The following CABCOCO1 variants were observed in gnomAD, a reference collection of about 807,000 sequenced individuals.
The protein encoded by CABCOCO1 is ciliary associated calcium binding coiled-coil 1, also known as ciliary-associated calcium-binding coiled-coil protein 1.
A neutral mutation model predicts 35.7 loss-of-function variants in CABCOCO1; 28 were observed. The observed-to-expected ratio is 0.78, with a 90% CI of 0.58 to 1.07. The LOEUF (loss-of-function observed/expected upper bound fraction) is 1.07, where lower values mean the gene tolerates loss of function less well. CABCOCO1 is among the 50% of genes least tolerant of loss of function. CABCOCO1 has a pLI of 0.00. For missense variants in CABCOCO1, 326 were observed against 309.2 expected (o/e 1.05, Z -0.41); for synonymous variants, 95 against 100.1 (o/e 0.95, Z 0.30).
At chr10:61,682,301 A>G (rs1839816309) in intron 3 of CABCOCO1, among the ~76,000 whole-genome samples, 1 of 152,208 alleles carries the variant, frequency 6.6e-6, no homozygotes, top group East Asian at 1.9e-4. Flanking sequence ...CATATGTAGA[A>G]CCTAACCAGA....
intron 1 of CABCOCO1, among the ~76,000 whole-genome samples, chr10:61,665,477 T>G (rs1403209268): frequency 6.6e-6 from 1 of 152,176 alleles, no homozygotes; most frequent in African/African-American, 2.4e-5. Flanking sequence ...AAAATAAATA[T>G]TTGTTACGCA....
intron 5 of CABCOCO1, among the ~76,000 whole-genome samples, chr10:61,708,778 C>T (rs1361540261): frequency 6.6e-6 from 1 of 152,126 alleles, no homozygotes; most frequent in East Asian, 1.9e-4. Flanking sequence ...CAACCTACTA[C>T]CCTAGTAGCA....
intron 5 of CABCOCO1, among the ~76,000 whole-genome samples, chr10:61,703,042 G>C (rs918288210): frequency 6.6e-6 from 1 of 151,852 alleles, no homozygotes; most frequent in East Asian, 1.9e-4. Context: ...CTATTTGCCT[G>C]AACCACTAAT....
rs569005764 is a variant in CABCOCO1 at position 61,673,079 on chromosome 10, G to A, written c.164+344G>A. ...AACTTAAAGAATGTTCTCCCTCGTT[G>A]TAAGAAGAGTAAGTTGTGTTTTCTG... On this transcript the variant is annotated intron_variant, in intron 2 of 7. Coordinates refer to ENST00000648843, the MANE Select transcript of CABCOCO1 (RefSeq NM_001366906.2). Among the ~76,000 whole-genome samples the A allele has an allele frequency of 2.0e-5, 3 of 152,212 alleles. No homozygotes were observed. In the South Asian group the frequency reaches 6.2e-4, roughly 32 times the overall value.
At chr10:61,718,028 T>G (rs1421012833) in intron 5 of CABCOCO1, among the ~76,000 whole-genome samples, 1 of 152,134 alleles carries the variant, frequency 6.6e-6, no homozygotes, top group East Asian at 1.9e-4. Context: ...TGGATGCTGG[T>G]CCGCGTGGTT....
chr10:61,718,476 G>C (rs1488142506), intron 5 of CABCOCO1, among the ~76,000 whole-genome samples: 1 of 152,072 alleles, frequency 6.6e-6, no homozygotes, highest in Non-Finnish European at 1.5e-5. Context: ...TTTTAAAAAG[G>C]TATGAATAAT....
At chr10:61,681,060 A>G (rs1296972617) in intron 2 of CABCOCO1, 83 bp from the exon 3 acceptor site, 2 of 771,858 alleles carry the variant, frequency 2.6e-6, no homozygotes, top group African/African-American at 4.4e-5. Flanking sequence ...CATTAAAGAA[A>G]AAGACCTGTT....
chr10:61,758,228 A>T (rs1037513477), intron 5 of CABCOCO1, among the ~76,000 whole-genome samples: 10 of 151,970 alleles, frequency 6.6e-5, no homozygotes, highest in Non-Finnish European at 1.3e-4. Context: ...ATACCTCATC[A>T]TCTTCCCTTG....
intron 5 of CABCOCO1, among the ~76,000 whole-genome samples, chr10:61,706,939 A>G (rs1279261182): frequency 6.6e-6 from 1 of 152,088 alleles, no homozygotes; most frequent in Non-Finnish European, 1.5e-5. Context: ...CATCCCCGTT[A>G]CTTTCCCTCA....
At chr10:61,685,754 G>A (rs901992495) in intron 3 of CABCOCO1, among the ~76,000 whole-genome samples, 4 of 152,114 alleles carry the variant, frequency 2.6e-5, no homozygotes, top group Admixed American at 6.5e-5. Context: ...TAGAGACAGG[G>A]TTTCGCCATG....
chr10:61,713,429 T>G (rs1370645300), intron 5 of CABCOCO1, among the ~76,000 whole-genome samples: 1 of 152,238 alleles, frequency 6.6e-6, no homozygotes, highest in African/African-American at 2.4e-5. Flanking sequence ...GATGGGGTTT[T>G]CTAAATAACA....
chr10:61,728,573 T>A (rs534786331), intron 5 of CABCOCO1, among the ~76,000 whole-genome samples: 37 of 152,262 alleles, frequency 2.4e-4, no homozygotes, highest in African/African-American at 8.7e-4. Flanking sequence ...ATTGAACCCT[T>A]GAGATTAAGA....
intron 1 of CABCOCO1, among the ~76,000 whole-genome samples, chr10:61,668,128 T>A (rs1212938628): frequency 1.3e-5 from 2 of 151,976 alleles, no homozygotes; most frequent in Non-Finnish European, 2.9e-5. Flanking sequence ...TACCATTTAA[T>A]TTGACATAAA....
At chr10:61,705,106 T>C (rs796617239) in intron 5 of CABCOCO1, among the ~76,000 whole-genome samples, 17 of 152,318 alleles carry the variant, frequency 1.1e-4, no homozygotes, top group African/African-American at 3.6e-4. Flanking sequence ...TGGAGAGAGG[T>C]GCTTCAGTGT....
intron 5 of CABCOCO1, among the ~76,000 whole-genome samples, chr10:61,749,624 C>T (rs1206388312): frequency 2.0e-5 from 3 of 152,178 alleles, no homozygotes; most frequent in Admixed American, 6.5e-5. Context: ...ATACACATGT[C>T]ATTTTACTTT....
intron 1 of CABCOCO1, among the ~76,000 whole-genome samples, chr10:61,670,694 A>G (rs924248721): frequency 2.6e-5 from 4 of 152,094 alleles, no homozygotes. Flanking sequence ...GTTGCACTGA[A>G]AAACATTTGC....
chr10:61,736,241 C>T (rs1487014979), intron 5 of CABCOCO1, among the ~76,000 whole-genome samples: 1 of 151,902 alleles, frequency 6.6e-6, no homozygotes, highest in Non-Finnish European at 1.5e-5. Flanking sequence ...ATGGTATTGC[C>T]TAGGTTGTCT....
At chr10:61,756,909 A>T (rs975158410) in intron 5 of CABCOCO1, among the ~76,000 whole-genome samples, 5 of 152,064 alleles carry the variant, frequency 3.3e-5, no homozygotes, top group African/African-American at 7.2e-5. Flanking sequence ...AAAAAATGAG[A>T]CAATTACAAT....
chr10:61,741,213 A>G (rs1331501571), intron 5 of CABCOCO1, among the ~76,000 whole-genome samples: 3 of 152,060 alleles, frequency 2.0e-5, no homozygotes, highest in Non-Finnish European at 4.4e-5. Flanking sequence ...AAAGGAAGAA[A>G]TACATTTTAA....
Sources: gnomAD v4.1 joint callset for allele counts (sites outside exome capture counted in the v4.1 genomes callset) on GRCh38, gnomAD v4.1.1 for gene constraint, MANE v1.5 for transcripts, NCBI Gene and HGNC (gene_info 2026-07-23, HGNC 2026-07-21) for gene names.